The following LRRTM4 variants were observed in gnomAD, a reference collection of about 807,000 sequenced individuals.
LRRTM4 encodes leucine-rich repeat transmembrane neuronal protein 4.
A neutral mutation model predicts 47.6 loss-of-function variants in LRRTM4; 25 were observed. The ratio of observed to expected loss-of-function variants is 0.53; its 90% CI spans 0.38 to 0.73. LRRTM4 has a LOEUF of 0.73. LRRTM4 is among the 30% of genes least tolerant of loss of function. The pLI, the probability that LRRTM4 is intolerant of heterozygous loss-of-function variation, is 0.00. For synonymous variants in LRRTM4, 311 were observed against 269.5 expected, an observed-to-expected ratio of 1.15 and a Z score of -1.51; for missense variants, 638 against 713.4, an observed-to-expected ratio of 0.89 and a Z score of 1.20.
At chr2:77,498,003 T>C (rs10192857) in intron 3 of LRRTM4, among the ~76,000 whole-genome samples, 86,375 of 151,642 alleles carry the variant, frequency 0.57, 25,042 homozygotes, top group Middle Eastern at 0.66. Context: ...ATTGACATAG[T>C]TACATAGTCT....
At chr2:77,102,073 C>G (rs75923182) in intron 3 of LRRTM4, among the ~76,000 whole-genome samples, 1 of 152,170 alleles carries the variant, frequency 6.6e-6, no homozygotes, top group African/African-American at 2.4e-5. Context: ...GCTGTTTCAG[C>G]AACATTGGGC....
chr2:76,871,254 G>A (rs757931312), intron 3 of LRRTM4, among the ~76,000 whole-genome samples: 2 of 152,126 alleles, frequency 1.3e-5, no homozygotes, highest in East Asian at 3.9e-4. Flanking sequence ...AAACTGCTGT[G>A]TCTGATGTAT....
intron 3 of LRRTM4, among the ~76,000 whole-genome samples, chr2:77,473,985 C>T (rs1027086248): frequency 3.9e-5 from 6 of 151,938 alleles, no homozygotes; most frequent in South Asian, 2.1e-4. Context: ...GAATGTGAGC[C>T]GGGTGGATGT....
At chr2:77,463,757 G>A (rs1034797366) in intron 3 of LRRTM4, among the ~76,000 whole-genome samples, 6 of 152,054 alleles carry the variant, frequency 3.9e-5, no homozygotes, top group Admixed American at 3.3e-4. Flanking sequence ...TATCATAGTT[G>A]CACTGCAACA....
intron 3 of LRRTM4, among the ~76,000 whole-genome samples, chr2:76,847,933 T>A (rs72819241): frequency 0.14 from 20,872 of 152,118 alleles, 1,827 homozygotes; most frequent in Admixed American, 0.2. Context: ...GTGTTCCCTA[T>A]GGGGCACTCT....
At chr2:77,436,077 T>C (rs532822925) in intron 3 of LRRTM4, among the ~76,000 whole-genome samples, 4 of 152,284 alleles carry the variant, frequency 2.6e-5, no homozygotes, top group Admixed American at 2.0e-4. Flanking sequence ...GGAGAGACAT[T>C]GATAAGTTCA....
intron 3 of LRRTM4, among the ~76,000 whole-genome samples, chr2:76,840,817 A>G (rs1321807750): frequency 1.3e-5 from 2 of 152,100 alleles, no homozygotes; most frequent in Non-Finnish European, 2.9e-5. Context: ...ATACTTTTAC[A>G]CTGTTGGTGG....
chr2:77,115,703 A>G (rs1054435893), intron 3 of LRRTM4, among the ~76,000 whole-genome samples: 7 of 152,202 alleles, frequency 4.6e-5, no homozygotes, highest in African/African-American at 1.7e-4. Flanking sequence ...CATGTAGGAC[A>G]AAGTATATAG....
chr2:76,960,840 A>G (rs563866823), intron 3 of LRRTM4, among the ~76,000 whole-genome samples: 1 of 151,636 alleles, frequency 6.6e-6, no homozygotes, highest in South Asian at 2.1e-4. Context: ...AATGAGAAAT[A>G]TATTTAAAGA....
rs983745003 is a variant in LRRTM4 at position 76,972,971 on chromosome 2, T to C, written c.1552-224055A>G. On this transcript the variant is annotated intron_variant, in intron 3 of 3. Transcript: ENST00000409884. ...TTCCTTTAAAAAGCAGTCTATAGTATTGTGTAAATATTTTTATCAATATTT... is the reference window on the plus strand; with the variant it reads ...TTCCTTTAAAAAGCAGTCTATAGTACTGTGTAAATATTTTTATCAATATTT... 7.2e-5 allele frequency among the ~76,000 whole-genome samples: 11 copies of C among 152,178 alleles called. 1 individual carries two copies. The South Asian group carries it at 1.2e-3, about 17-fold the overall frequency.
At chr2:77,040,537 G>T (rs911041478) in intron 3 of LRRTM4, among the ~76,000 whole-genome samples, 18 of 151,426 alleles carry the variant, frequency 1.2e-4, no homozygotes, top group African/African-American at 3.6e-4. Flanking sequence ...ATAAGTGCTA[G>T]TAAACAGTAG....
At chr2:77,028,269 C>T (rs1160081428) in intron 3 of LRRTM4, among the ~76,000 whole-genome samples, 1 of 152,078 alleles carries the variant, frequency 6.6e-6, no homozygotes, top group Non-Finnish European at 1.5e-5. Context: ...GGAAAGTTGG[C>T]TAGTGTTCAA....
intron 3 of LRRTM4, among the ~76,000 whole-genome samples, chr2:76,784,151 AATTGTATTACACAC>A (rs1166887415): frequency 6.6e-6 from 1 of 152,140 alleles, no homozygotes; most frequent in Non-Finnish European, 1.5e-5. Flanking sequence ...TGGTGGCTGT[AATTGTATTACACAC>A]ACAAAAAGGA....
At chr2:77,422,523 C>T (rs1674941413) in intron 3 of LRRTM4, among the ~76,000 whole-genome samples, 1 of 152,110 alleles carries the variant, frequency 6.6e-6, no homozygotes, top group African/African-American at 2.4e-5. Context: ...GGCAATGTGA[C>T]ACATCAACCA....
At chr2:77,054,574 A>G (rs1679542419) in intron 3 of LRRTM4, among the ~76,000 whole-genome samples, 6 of 152,244 alleles carry the variant, frequency 3.9e-5, no homozygotes, top group Admixed American at 3.9e-4. Context: ...TAGGATAGGT[A>G]CAAGCCAGAG....
intron 3 of LRRTM4, among the ~76,000 whole-genome samples, chr2:77,292,525 T>C (rs1157843358): frequency 1.3e-5 from 2 of 151,892 alleles, no homozygotes; most frequent in South Asian, 2.1e-4. Flanking sequence ...CCATAAAAAA[T>C]GATGAGTTCA....
intron 3 of LRRTM4, among the ~76,000 whole-genome samples, chr2:77,259,099 CAT>C (rs10566537): frequency 0.12 from 18,622 of 151,586 alleles, 3,822 homozygotes; most frequent in African/African-American, 0.42. Flanking sequence ...AATGCTCAAA[CAT>C]AAATATAAAA....
At chr2:76,761,366 G>A (rs1410715155) in intron 3 of LRRTM4, among the ~76,000 whole-genome samples, 2 of 152,188 alleles carry the variant, frequency 1.3e-5, no homozygotes, top group South Asian at 2.1e-4. Context: ...ATCCTTGCTG[G>A]TGATTAAACT....
intron 3 of LRRTM4, among the ~76,000 whole-genome samples, chr2:77,258,415 A>G (rs1675828134): frequency 2.0e-5 from 3 of 152,110 alleles, no homozygotes; most frequent in African/African-American, 7.2e-5. Context: ...CTCATGCAAT[A>G]AAATGACATA....
Sources: gnomAD v4.1 joint callset for allele counts (sites outside exome capture counted in the v4.1 genomes callset) on GRCh38, gnomAD v4.1.1 for gene constraint, MANE v1.5 for transcripts, NCBI Gene and HGNC (gene_info 2026-07-23, HGNC 2026-07-21) for gene names.